Variants in SIL1 observed in about 807,000 individuals in gnomAD.
SIL1 encodes SIL1 nucleotide exchange factor, also known as nucleotide exchange factor SIL1.
SIL1 carries 40 observed loss-of-function variants against 49.1 expected under a neutral mutation model. The ratio of observed to expected loss-of-function variants is 0.81; its 90% CI spans 0.63 to 1.06. The LOEUF is 1.06. SIL1 is among the 50% of genes least tolerant of loss of function. The pLI is 0.00. For missense variants in SIL1, 500 were observed against 572.6 expected, an observed-to-expected ratio of 0.87 and a Z score of 1.29; for synonymous variants, 253 against 250.8, an observed-to-expected ratio of 1.01 and a Z score of -0.08.
At chr5:138,956,992 C>G (rs1447435420) in intron 7 of SIL1, among the ~76,000 whole-genome samples, 1 of 152,030 alleles carries the variant, frequency 6.6e-6, no homozygotes, top group East Asian at 1.9e-4. Context: ...ATGTACAGCC[C>G]CCAACTGGAA....
intron 4 of SIL1, among the ~76,000 whole-genome samples, chr5:139,047,063 G>A (rs76560954): frequency 6.6e-6 from 1 of 152,152 alleles, no homozygotes. Flanking sequence ...GAAGTAAATG[G>A]CCCTGTCCTT....
rs1461737063 is a variant in SIL1 at position 138,948,548 on chromosome 5, C to T, written c.1030-1075G>A. Reference sequence around the variant, plus strand: ...CAGGCTCTGCCCCCACTGTGCGCGGCCTGGACCCACTCACACCCACTCCTG... The same window carrying T: ...CAGGCTCTGCCCCCACTGTGCGCGGTCTGGACCCACTCACACCCACTCCTG... On this transcript the variant is annotated intron_variant, in intron 9 of 9. Transcript: ENST00000394817. The surrounding 1 kb of genome is among the most constrained non-coding windows in gnomAD (Gnocchi z 4.8). Among the ~76,000 whole-genome samples the T allele has an allele frequency of 6.6e-6, 1 of 152,258 alleles. No individual in the cohort carries two copies. Among genetic ancestry groups the T allele is most frequent in the East Asian group, 1.9e-4 (1 of 5,186 alleles).
At chr5:139,017,092 C>T (rs551958631) in intron 7 of SIL1, 1 of 152,338 alleles carries the variant, frequency 6.6e-6, no homozygotes, top group African/African-American at 2.4e-5. Context: ...TCAAGCAATC[C>T]ACCTGCCGTG....
At chr5:138,955,615 G>A (rs976960962) in intron 7 of SIL1, among the ~76,000 whole-genome samples, 2 of 152,242 alleles carry the variant, frequency 1.3e-5, no homozygotes, top group Non-Finnish European at 2.9e-5. Context: ...CGGCCAGGGG[G>A]CCCAGGAGAT....
At chr5:139,057,314 T>TTAAAAAAAAAAACAAAAA (rs781049621) in intron 3 of SIL1, among the ~76,000 whole-genome samples, 1 of 73,392 alleles carries the variant, frequency 1.4e-5, no homozygotes, top group Non-Finnish European at 2.8e-5. Context: ...GAATGATCAA[T>TTAAAAAAAAAAACAAAAA]AAAAAAAAAA....
At chr5:139,124,390 C>T (rs1750714341) in intron 2 of SIL1, among the ~76,000 whole-genome samples, 1 of 152,134 alleles carries the variant, frequency 6.6e-6, no homozygotes, top group Non-Finnish European at 1.5e-5. Flanking sequence ...TTTTGCACCT[C>T]CTTTTGGTAT....
At chr5:139,046,789 G>A (rs1266770477) in intron 4 of SIL1, among the ~76,000 whole-genome samples, 3 of 152,168 alleles carry the variant, frequency 2.0e-5, no homozygotes, top group African/African-American at 7.2e-5. Context: ...TCCAGTCTTT[G>A]ACAGGTTCCT....
intron 7 of SIL1, among the ~76,000 whole-genome samples, chr5:139,003,897 T>C (rs1768050083): frequency 6.6e-6 from 1 of 152,182 alleles, no homozygotes. Context: ...CAGGCACACC[T>C]GAAATAACTC....
At chr5:139,158,168 G>A (rs1015342427) in intron 1 of SIL1, among the ~76,000 whole-genome samples, 3 of 152,154 alleles carry the variant, frequency 2.0e-5, no homozygotes, top group Non-Finnish European at 4.4e-5. Flanking sequence ...CTAATCAATG[G>A]CAGAGCCAGA....
intron 3 of SIL1, among the ~76,000 whole-genome samples, chr5:139,118,262 C>T (rs973858625): frequency 2.0e-5 from 3 of 152,150 alleles, no homozygotes; most frequent in Admixed American, 6.5e-5. Context: ...CATGTAAAGC[C>T]ATAGGGACAG....
At chr5:139,059,062 ATGT>A (rs1439576163) in intron 3 of SIL1, among the ~76,000 whole-genome samples, 1 of 152,066 alleles carries the variant, frequency 6.6e-6, no homozygotes, top group Non-Finnish European at 1.5e-5. Context: ...AATTATATAT[ATGT>A]ATATGTACAC....
chr5:139,121,714 T>C (rs1561870525), intron 2 of SIL1, among the ~76,000 whole-genome samples: 1 of 152,136 alleles, frequency 6.6e-6, no homozygotes, highest in South Asian at 2.1e-4. Context: ...CCAGTGTGCC[T>C]ATGAGCCATT....
chr5:139,167,340 G>A (rs1751645789), intron 1 of SIL1, among the ~76,000 whole-genome samples: 1 of 152,188 alleles, frequency 6.6e-6, no homozygotes, highest in Non-Finnish European at 1.5e-5. Context: ...TATTATCACA[G>A]GAAATGACAG....
chr5:139,021,021 C>T (rs1451353058), intron 7 of SIL1, 150 bp downstream of exon 7: 1 of 1,130,410 alleles, frequency 8.8e-7, no homozygotes, highest in African/African-American at 1.5e-5. Flanking sequence ...TTCCTATCTA[C>T]TTGGAATAAG....
In SIL1 at chr5:139,143,342, CACAT is replaced by C. The variant is rs1337205336; in HGVS notation, c.-10-15493_-10-15490del. On this transcript the variant is annotated intron_variant, in intron 1 of 9. Transcript: ENST00000394817. Reference sequence around the variant, plus strand: ...ACACACACACACACACACACACACACACATATATATATATATATATATATGGTTT... The same window carrying C: ...ACACACACACACACACACACACACACATATATATATATATATATATGGTTT... 5.4e-3 allele frequency among the ~76,000 whole-genome samples: 487 copies of C among 90,572 alleles called. 1 individual carries two copies. The highest frequency in any genetic ancestry group is 0.012 in the African/African-American group (185 of 16,012). The allele number at this position is 90,572 out of a possible 152,430, so 59.4% of individuals were successfully genotyped here. A position where few individuals can be genotyped will look rare whatever the true frequency, so the allele number is the denominator to read the frequency against.
chr5:138,951,533 G>C (rs988974926), intron 8 of SIL1, among the ~76,000 whole-genome samples, 198 bp from the exon 9 acceptor site: 1 of 152,246 alleles, frequency 6.6e-6, no homozygotes, highest in African/African-American at 2.4e-5. Context: ...GTGAGTAAAT[G>C]GGAGGTAAAC....
At chr5:139,176,756 C>G (rs920791900) in intron 1 of SIL1, among the ~76,000 whole-genome samples, 1 of 151,924 alleles carries the variant, frequency 6.6e-6, no homozygotes, top group African/African-American at 2.4e-5. Flanking sequence ...CTAATCACCT[C>G]CCAGAGGAAC....
intron 7 of SIL1, among the ~76,000 whole-genome samples, chr5:138,988,618 A>G (rs1767692367): frequency 6.6e-6 from 1 of 152,256 alleles, no homozygotes. Context: ...CAAAGAAACT[A>G]TCTCCTAAGA....
At chr5:138,982,152 T>C (rs564578603) in intron 7 of SIL1, among the ~76,000 whole-genome samples, 2 of 152,360 alleles carry the variant, frequency 1.3e-5, no homozygotes, top group South Asian at 4.1e-4. Flanking sequence ...CTAAACATTT[T>C]GAGGACAGTA....
Sources: allele counts gnomAD v4.1 joint callset (sites outside exome capture counted in the v4.1 genomes callset), GRCh38; gene constraint gnomAD v4.1.1; non-coding constraint Gnocchi (gnomAD v3.1); transcripts MANE v1.5; gene names NCBI Gene and HGNC (gene_info 2026-07-23, HGNC 2026-07-21).